The following HERC4 variants were observed in gnomAD, a reference collection of about 807,000 sequenced individuals.
The protein encoded by HERC4 is probable E3 ubiquitin-protein ligase HERC4.
HERC4 carries 28 observed loss-of-function variants against 124.3 expected under a neutral mutation model. The observed-to-expected ratio is 0.23, with a 90% confidence interval of 0.17 to 0.31. The LOEUF is 0.31. Ranked by LOEUF, HERC4 falls within the 10% of genes least tolerant of loss-of-function variation. The probability of loss-of-function intolerance (pLI) is 1.00; values close to 1 mark genes in which losing one functional copy is unlikely to be tolerated. For missense variants in HERC4, 713 were observed against 1,229.3 expected, an observed-to-expected ratio of 0.58 and a Z score of 6.28; for synonymous variants, 407 against 421.5, an observed-to-expected ratio of 0.97 and a Z score of 0.42.
At chr10:68,003,868 G>A (rs116322672) in intron 9 of HERC4, among the ~76,000 whole-genome samples, 2,508 of 152,236 alleles carry the variant, frequency 0.016, 76 homozygotes, top group African/African-American at 0.057. Context: ...TCTTTTGGGT[G>A]TATACCCAGC....
At chr10:67,983,439 G>A (rs1346980647) in intron 15 of HERC4, among the ~76,000 whole-genome samples, 2 of 152,070 alleles carry the variant, frequency 1.3e-5, no homozygotes, top group Non-Finnish European at 2.9e-5. Context: ...CTGCTACACT[G>A]TTCACAATTG....
intron 9 of HERC4, among the ~76,000 whole-genome samples, chr10:68,012,608 C>T (rs2038027676): frequency 6.6e-6 from 1 of 152,020 alleles, no homozygotes; most frequent in Non-Finnish European, 1.5e-5. Flanking sequence ...CATGGCACCC[C>T]AAAACAATTA....
intron 4 of HERC4, among the ~76,000 whole-genome samples, chr10:68,042,617 T>C (rs2039827825): frequency 6.6e-6 from 1 of 152,198 alleles, no homozygotes; most frequent in Non-Finnish European, 1.5e-5. Flanking sequence ...AGTGAGACTT[T>C]GTCTCAAGAA....
intron 3 of HERC4, among the ~76,000 whole-genome samples, chr10:68,052,842 A>G (rs922387606): frequency 2.6e-5 from 4 of 152,206 alleles, no homozygotes; most frequent in African/African-American, 9.6e-5. Flanking sequence ...GCCATTATGA[A>G]CACAGAGTGA....
intron 7 of HERC4, 21 bp downstream of exon 7, chr10:68,032,756 AG>A: frequency 8.4e-7 from 1 of 1,186,300 alleles, no homozygotes; most frequent in Non-Finnish European, 1.3e-6. Context: ...GTAATAATAA[AG>A]AAGTTTTAGA....
At chr10:68,070,097 T>C in intron 3 of HERC4, 1 of 985,018 alleles carries the variant, frequency 1.0e-6, no homozygotes. Context: ...ATGAACTATG[T>C]TTATTACATT....
intron 23 of HERC4, among the ~76,000 whole-genome samples, chr10:67,927,716 C>T (rs574565816): frequency 2.0e-5 from 3 of 152,116 alleles, no homozygotes; most frequent in Non-Finnish European, 2.9e-5. Context: ...TGAGCCACTG[C>T]GCCCGGCCGC....
chr10:68,008,892 A>T (rs895870295), intron 9 of HERC4, among the ~76,000 whole-genome samples: 1 of 152,168 alleles, frequency 6.6e-6, no homozygotes, highest in Non-Finnish European at 1.5e-5. Context: ...AATGCAAGTC[A>T]CACAAATTTT....
At position 67,923,111 on chromosome 10, in the gene HERC4, A is replaced by G; in HGVS notation, c.2970T>C (p.Pro990=). 6.2e-7 allele frequency: 1 copy of G among 1,613,760 alleles called. No individual in the cohort carries two copies. Among genetic ancestry groups the G allele is most frequent in the Non-Finnish European group, 8.5e-7 (1 of 1,179,916 alleles). ...GTTTCAGACTCTTCATACCAAGAAT[A>G]GGAATGCGATCACTACCTGTCAAAA... The part of the protein sequence containing the change: ...LLFLTGSDRI[P]ILGMKSLKLV... The change falls in exon 25 of 25, where the codon CCT becomes CCC. Residue 990 remains proline, a synonymous_variant. Coordinates refer to ENST00000373700, the MANE Select transcript of HERC4 (RefSeq NM_015601.4).
chr10:68,033,298 T>C lies in HERC4; in HGVS notation c.686-429A>G, dbSNP rs563222206. Among the ~76,000 whole-genome samples, 68 of 152,344 alleles carry C rather than the reference T, an allele frequency of 4.5e-4. 1 individual carries two copies. The South Asian group carries it at 0.014, about 32-fold the overall frequency. On this transcript the variant is annotated intron_variant, in intron 6 of 24. Transcript: ENST00000373700. ...ATCCTAATATGACATATTTTTCTTA[T>C]GCAAAACAAGGTATTCTTTAATTCT... is the stretch of plus-strand genomic sequence containing the variant.
chr10:68,010,780 CA>C, intron 9 of HERC4: 1 of 1,501,536 alleles, frequency 6.7e-7, no homozygotes, highest in South Asian at 1.2e-5. Context: ...GGGTAAGCCC[CA>C]CATCAGCCTG....
chr10:67,966,382 A>G, intron 16 of HERC4: 1 of 259,294 alleles, frequency 3.9e-6, no homozygotes, highest in South Asian at 4.7e-5. Context: ...ATAAGAGGCA[A>G]CCTCATGGAA....
At chr10:67,954,052 AACTTTCT>A (rs1417499099) in intron 19 of HERC4, 3 of 152,198 alleles carry the variant, frequency 2.0e-5, no homozygotes, top group African/African-American at 7.2e-5. Flanking sequence ...TGGGTCAGCA[AACTTTCT>A]ATAAAGAACC....
intron 19 of HERC4, among the ~76,000 whole-genome samples, chr10:67,950,160 T>G (rs1007743933): frequency 5.3e-5 from 8 of 152,194 alleles, no homozygotes; most frequent in African/African-American, 1.9e-4. Flanking sequence ...AAAGGGAATT[T>G]GGGAAAAATC....
At chr10:67,940,565 G>A (rs1260087165) in intron 20 of HERC4, among the ~76,000 whole-genome samples, 2 of 152,034 alleles carry the variant, frequency 1.3e-5, no homozygotes, top group African/African-American at 4.8e-5. Flanking sequence ...GACTACAGGC[G>A]TGGGCCACCA....
At chr10:67,963,789 G>A (rs1208244853) in intron 16 of HERC4, among the ~76,000 whole-genome samples, 1 of 152,116 alleles carries the variant, frequency 6.6e-6, no homozygotes, top group South Asian at 2.1e-4. Flanking sequence ...ATTTCCTGAA[G>A]AATCAATTTT....
chr10:67,983,059 C>T (rs1415550060), intron 15 of HERC4, among the ~76,000 whole-genome samples: 20 of 136,930 alleles, frequency 1.5e-4, no homozygotes, highest in African/African-American at 4.0e-4. Flanking sequence ...ACCCAGGAAG[C>T]GGAGGTTGCA....
chr10:68,030,382 A>C (rs2039141056), intron 7 of HERC4, among the ~76,000 whole-genome samples: 1 of 152,154 alleles, frequency 6.6e-6, no homozygotes. Context: ...CAGAGGTTGC[A>C]GTGAGCCAAG....
intron 3 of HERC4, among the ~76,000 whole-genome samples, chr10:68,063,978 C>T (rs1350845239): frequency 6.6e-6 from 1 of 151,794 alleles, no homozygotes; most frequent in Non-Finnish European, 1.5e-5. Flanking sequence ...CATGGTAGCT[C>T]ATGCCTGTAA....
Sources: gnomAD v4.1 joint callset for allele counts (sites outside exome capture counted in the v4.1 genomes callset) on GRCh38, gnomAD v4.1.1 for gene constraint, MANE v1.5 for transcripts, NCBI Gene and HGNC (gene_info 2026-07-23, HGNC 2026-07-21) for gene names.